The following LOXL3 variants were observed in gnomAD, a reference collection of about 807,000 sequenced individuals.
LOXL3 encodes the protein lysyl oxidase like 3.
In LOXL3, 60 loss-of-function variants were observed where a neutral mutation model predicts 91.8. The ratio of observed to expected loss-of-function variants is 0.65; its 90% CI spans 0.53 to 0.81. The LOEUF is 0.81. Ranked by LOEUF, LOXL3 falls within the 30% of genes least tolerant of loss-of-function variation. LOXL3 has a pLI of 0.00. For synonymous variants in LOXL3, 355 were observed against 387.6 expected (o/e 0.92, Z 0.99); for missense variants, 874 against 1,000.4 (o/e 0.87, Z 1.70).
At chr2:74,553,635 C>T (rs1371363835) in intron 1 of LOXL3, among the ~76,000 whole-genome samples, 1 of 152,224 alleles carries the variant, frequency 6.6e-6, no homozygotes, top group Non-Finnish European at 1.5e-5. Context: ...AGGGGCAGCG[C>T]CTCCCGGAGG....
At chr2:74,555,096 G>T (rs1257065398), upstream of LOXL3, 1 of 1,550,884 alleles carries the variant, frequency 6.4e-7, no homozygotes, top group Non-Finnish European at 8.7e-7. This position sits in a 1 kb window ranked among gnomAD's most constrained non-coding sequence, Gnocchi z 6.1. Context: ...CTTCCCCGTC[G>T]GGACCCGGGC....
rs184230827 is a variant in LOXL3, at chr2:74,533,252, C to T, written c.*354G>A. On this transcript the variant is annotated 3_prime_UTR_variant, in exon 14 of 14. Transcript: ENST00000264094. ...AAGGCTAGAGGTAAAGCTGTATCCCCCTAAACTTAGGGGAGATACTGGAGC... is the reference window on the plus strand; with the variant it reads ...AAGGCTAGAGGTAAAGCTGTATCCCTCTAAACTTAGGGGAGATACTGGAGC... The T allele has an allele frequency of 2.3e-4, 126 of 553,072 alleles. No homozygotes were observed. The highest frequency in any genetic ancestry group is 3.4e-4 in the Non-Finnish European group (106 of 310,882). The allele number at this position is 553,072 out of a possible 1,614,324, so 34.3% of individuals were successfully genotyped here.
rs771725560 is a variant in LOXL3, at chr2:74,536,802, C to G, written c.819G>C (p.Gly273=). Residue 273 remains glycine, a synonymous_variant, in exon 5 of 14, where the codon GGG becomes GGC. Coordinates refer to ENST00000264094, the MANE Select transcript of LOXL3 (RefSeq NM_032603.5). This position sits in a 1 kb window ranked among gnomAD's most constrained non-coding sequence, Gnocchi z 4.5. ...YRANDTARCP[G]GGPAVVSCVP... The stretch of plus-strand genomic sequence containing the variant: ...CACAGCTCACCACTGCAGGGCCCCC[C>G]CCAGGGCACCTGGCGGTGTCATTGG... The G allele has an allele frequency of 2.4e-5, 39 of 1,614,236 alleles. No individual in the cohort carries two copies. The East Asian group carries it at 8.5e-4, about 35-fold the overall frequency.
At chr2:74,543,848 C>T (rs974254745) in intron 4 of LOXL3, among the ~76,000 whole-genome samples, 56 of 142,558 alleles carry the variant, frequency 3.9e-4, no homozygotes, top group Non-Finnish European at 6.9e-4. Context: ...TTGCAGTGAA[C>T]CAAGATTGCA....
In LOXL3 at chr2:74,532,776, G is replaced by T. The variant is rs1480421091; in HGVS notation, c.*830C>A. The stretch of plus-strand genomic sequence containing the variant: ...AAGGTGTGCATGTGTCCTTGAACTA[G>T]GCTTTGTACTCCTTCCTTTCTCTCT... On this transcript the variant is annotated 3_prime_UTR_variant, in exon 14 of 14. Transcript: ENST00000264094. The T allele has an allele frequency of 6.2e-7, 1 of 1,613,648 alleles. No individual in the cohort carries two copies. The highest frequency in any genetic ancestry group is 8.5e-7 in the Non-Finnish European group (1 of 1,179,614).
intron 4 of LOXL3, among the ~76,000 whole-genome samples, chr2:74,539,159 G>GC (rs1676178529): frequency 6.6e-6 from 1 of 152,192 alleles, no homozygotes. Flanking sequence ...TTGACTTTAA[G>GC]CTTGGTGATT....
chr2:74,550,390 G>A (rs1368845011), intron 2 of LOXL3, 42 bp from the exon 3 acceptor site: 3 of 1,591,362 alleles, frequency 1.9e-6, no homozygotes, highest in Non-Finnish European at 2.6e-6. Context: ...CTTGGGGAGG[G>A]AGGATGGGGG....
At chr2:74,546,181 C>T (rs1231587675) in intron 4 of LOXL3, among the ~76,000 whole-genome samples, 1 of 152,200 alleles carries the variant, frequency 6.6e-6, no homozygotes, top group East Asian at 1.9e-4. Flanking sequence ...CACTGGTCAC[C>T]ATCACCTTTC....
chr2:74,552,215 G>C, intron 2 of LOXL3, 107 bp downstream of exon 2: 1 of 1,003,734 alleles, frequency 1.0e-6, no homozygotes, highest in Non-Finnish European at 1.5e-6. Context: ...AATGCTGGCT[G>C]TTCTTGGTGT....
At chr2:74,553,980 A>AC (rs996075314), upstream of LOXL3, 4 of 144,718 alleles carry the variant, frequency 2.8e-5, no homozygotes, top group African/African-American at 1.0e-4. Flanking sequence ...GGGAGACTGG[A>AC]CCCCCCTCTC....
chr2:74,534,280 T>C, intron 11 of LOXL3, 36 bp downstream of exon 11: 2 of 1,614,162 alleles, frequency 1.2e-6, no homozygotes, highest in Non-Finnish European at 1.7e-6. Context: ...GGCTGTGCAA[T>C]GGATACCATG....
chr2:74,552,884 T>C (rs1677110278), intron 1 of LOXL3: 1 of 479,588 alleles, frequency 2.1e-6, no homozygotes, highest in Non-Finnish European at 3.7e-6. Context: ...AAGAGACAAC[T>C]ATGAGAGATC....
At chr2:74,554,820 C>A, upstream of LOXL3, 3 of 1,614,010 alleles carry the variant, frequency 1.9e-6, no homozygotes, top group Non-Finnish European at 2.5e-6. This position sits in a 1 kb window ranked among gnomAD's most constrained non-coding sequence, Gnocchi z 4.9. Flanking sequence ...CCAAGGTAGT[C>A]TGGCGCATGG....
At chr2:74,544,805 A>G (rs145321740) in intron 4 of LOXL3, among the ~76,000 whole-genome samples, 2 of 152,128 alleles carry the variant, frequency 1.3e-5, no homozygotes, top group African/African-American at 2.4e-5. Flanking sequence ...TGTCTTGCCT[A>G]TCTTTCATAA....
In LOXL3 at chr2:74,532,489, T is replaced by A. The variant is rs1419608052; in HGVS notation, c.*1117A>T. 1.4e-6 allele frequency: 1 copy of A among 731,938 alleles called. No individual in the cohort carries two copies. The highest frequency in any genetic ancestry group is 2.4e-6 in the Non-Finnish European group (1 of 410,422). The allele number at this position is 731,938 out of a possible 1,614,324, so 45.3% of individuals were successfully genotyped here. ...CTAGAAGACAGAAAGTGAGTTGCCATTGTATTTTGTAGTACCTAGCCCATG... is the reference window on the plus strand; with the variant it reads ...CTAGAAGACAGAAAGTGAGTTGCCAATGTATTTTGTAGTACCTAGCCCATG... On this transcript the variant is annotated 3_prime_UTR_variant, in exon 14 of 14. Coordinates refer to ENST00000264094, the MANE Select transcript of LOXL3 (RefSeq NM_032603.5).
Position 74,549,082 on chromosome 2 carries a change from A to C in LOXL3, c.692+287T>G. On this transcript the variant is annotated intron_variant, in intron 4 of 13. Transcript: ENST00000264094. The surrounding 1 kb of genome is among the most constrained non-coding windows in gnomAD (Gnocchi z 5.3). ...CCCCGCGCCTGGGAGTGGCCTCGCG[A>C]GGCCGGCGCGCGCCCCGGGGCCGAG... 1 of 271,620 alleles carries C rather than the reference A, an allele frequency of 3.7e-6. No homozygotes were observed. Among genetic ancestry groups the C allele is most frequent in the Non-Finnish European group, 6.9e-6 (1 of 145,444 alleles). The allele number at this position is 271,620 out of a possible 1,614,324, so 16.8% of individuals were successfully genotyped here. A position where few individuals can be genotyped will look rare whatever the true frequency, so the allele number is the denominator to read the frequency against.
intron 1 of LOXL3, chr2:74,552,905 G>A: frequency 2.3e-6 from 1 of 436,558 alleles, no homozygotes; most frequent in Non-Finnish European, 4.1e-6. Context: ...GAGAGTCAGA[G>A]AAGGGTCAAT....
chr2:74,533,967 T>C lies in LOXL3; in HGVS notation c.2103A>G (p.Val701=). 1 of 1,614,182 alleles carries C rather than the reference T, an allele frequency of 6.2e-7. No individual in the cohort carries two copies. Among genetic ancestry groups the C allele is most frequent in the Non-Finnish European group, 8.5e-7 (1 of 1,180,004 alleles). The change falls in exon 13 of 14, where the codon GTA becomes GTG. Residue 701 remains valine (V), a synonymous_variant. Coordinates refer to ENST00000264094, the MANE Select transcript of LOXL3 (RefSeq NM_032603.5). ...CATTGTTGGTAAAGTCACTCTCTGC[T>C]ACTTCAAAGTTTGGGTTGATGACAA... The part of the protein sequence containing the change: ...LQVVINPNFE[V]AESDFTNNAM...
upstream of LOXL3, chr2:74,554,356 TA>T (rs1462948929): frequency 5.3e-6 from 1 of 187,772 alleles, no homozygotes; most frequent in Non-Finnish European, 1.1e-5. This position sits in a 1 kb window ranked among gnomAD's most constrained non-coding sequence, Gnocchi z 4.9. Context: ...CCGGCCAGGG[TA>T]AATAAAGCCC....
Sources: gnomAD v4.1 joint callset for allele counts (sites outside exome capture counted in the v4.1 genomes callset) on GRCh38, gnomAD v4.1.1 for gene constraint, Gnocchi (gnomAD v3.1) non-coding constraint, MANE v1.5 for transcripts, NCBI Gene and HGNC (gene_info 2026-07-23, HGNC 2026-07-21) for gene names.